UACA: variants seen among roughly 807,000 people sequenced by gnomAD.
The protein encoded by UACA is nuclear membrane binding protein.
Under a neutral mutation model 160.5 loss-of-function variants are expected in UACA, and 112 were observed. That is an observed-to-expected ratio of 0.70 (90% confidence interval 0.60 to 0.82). The LOEUF is 0.82. UACA is among the 40% of genes least tolerant of loss of function. UACA has a pLI of 0.00. For synonymous variants in UACA, 557 were observed against 568.4 expected, an observed-to-expected ratio of 0.98 and a Z score of 0.29; for missense variants, 1,574 against 1,614.6, an observed-to-expected ratio of 0.97 and a Z score of 0.43.
intron 1 of UACA, among the ~76,000 whole-genome samples, chr15:70,722,310 T>A (rs1224357370): frequency 6.6e-6 from 1 of 151,124 alleles, no homozygotes; most frequent in East Asian, 1.9e-4. Flanking sequence ...AAAGACAATC[T>A]AGCAAAATCA....
intron 17 of UACA, 133 bp downstream of exon 17, chr15:70,664,529 C>A (rs993729801): frequency 3.1e-5 from 35 of 1,128,572 alleles, no homozygotes; most frequent in Non-Finnish European, 4.1e-5. Flanking sequence ...GGTAACTTTT[C>A]GCATATAAAA....
chr15:70,701,661 C>T (rs1898367564), intron 1 of UACA, among the ~76,000 whole-genome samples: 1 of 152,192 alleles, frequency 6.6e-6, no homozygotes, highest in Non-Finnish European at 1.5e-5. Flanking sequence ...AACAGTAACA[C>T]TGTACAATTA....
rs765706515 is a variant in UACA at position 70,687,578 on chromosome 15, A to G, written c.564T>C (p.Asp188=). ...SRPTICQLLI[D]RGADVNSRDK... is the part of the protein sequence containing the mutation. The stretch of plus-strand genomic sequence containing the variant: ...CTCTGGAATTAACATCCGCTCCTCT[A>G]TCTATCAGCAGTTGACATATTGTTG... The change falls in exon 7 of 19, where the codon GAT becomes GAC. Residue 188 remains aspartate, a synonymous_variant. Transcript: ENST00000322954. The G allele has an allele frequency of 4.3e-6, 7 of 1,613,794 alleles. No individual in the cohort carries two copies. Among genetic ancestry groups the G allele is most frequent in the Middle Eastern group, 1.6e-4 (1 of 6,082 alleles).
At chr15:70,726,311 G>C (rs1232971563) in intron 1 of UACA, among the ~76,000 whole-genome samples, 1 of 151,968 alleles carries the variant, frequency 6.6e-6, no homozygotes, top group Non-Finnish European at 1.5e-5. Flanking sequence ...TGGCAACAAA[G>C]GATTGGCTCT....
intron 10 of UACA, among the ~76,000 whole-genome samples, chr15:70,679,402 C>CTAAATAAATAAA (rs57970349): frequency 0.25 from 32,974 of 133,692 alleles, 4,449 homozygotes; most frequent in Middle Eastern, 0.29. Context: ...GACCCCATCT[C>CTAAATAAATAAA]TAAATAAATA....
rs972254101 is a variant in UACA, at chr15:70,655,766, A to G, written c.*1290T>C. 5 of 151,850 alleles carry G rather than the reference A, an allele frequency of 3.3e-5. No individual in the cohort carries two copies. The highest frequency in any genetic ancestry group is 1.2e-4 in the African/African-American group (5 of 41,468). 9.4% of individuals were successfully genotyped at this position (151,850 alleles called of 1,614,324 possible). On this transcript the variant is annotated 3_prime_UTR_variant, in exon 19 of 19. Coordinates refer to ENST00000322954, the MANE Select transcript of UACA (RefSeq NM_018003.4). ...GTCATTTTGATGGTATTTTTACCCTATTAAACAAAAATGGGATTTAAAAAT... is the reference window on the plus strand; with the variant it reads ...GTCATTTTGATGGTATTTTTACCCTGTTAAACAAAAATGGGATTTAAAAAT...
At chr15:70,739,829 C>T (rs916362908) in intron 1 of UACA, among the ~76,000 whole-genome samples, 3 of 152,164 alleles carry the variant, frequency 2.0e-5, no homozygotes, top group African/African-American at 7.2e-5. Flanking sequence ...TTCTCTCCAA[C>T]TGCCAAATAT....
At position 70,655,111 on chromosome 15, in the gene UACA, G is replaced by A. The variant is rs1024554904; in HGVS notation, c.*1945C>T. On this transcript the variant is annotated 3_prime_UTR_variant, in exon 19 of 19. Transcript: ENST00000322954. ...CAAGGATGTTCAAAACAATATTCTA[G>A]AGAAAACTTTATTGATGGTTGAAAA... 5 of 152,120 alleles carry A rather than the reference G, an allele frequency of 3.3e-5. No individual in the cohort carries two copies. The highest frequency in any genetic ancestry group is 7.2e-5 in the African/African-American group (3 of 41,432). The allele number at this position is 152,120 out of a possible 1,614,324, so 9.4% of individuals were successfully genotyped here.
intron 1 of UACA, among the ~76,000 whole-genome samples, chr15:70,746,063 T>C (rs1013955712): frequency 2.0e-5 from 3 of 152,090 alleles, no homozygotes; most frequent in African/African-American, 7.2e-5. Flanking sequence ...CCATTCAAGA[T>C]ATAGGCATGG....
intron 14 of UACA, 54 bp downstream of exon 14, chr15:70,671,911 C>T: frequency 7.0e-7 from 1 of 1,436,724 alleles, no homozygotes; most frequent in South Asian, 1.3e-5. Flanking sequence ...AATAAACATT[C>T]TTCTTTACTT....
chr15:70,695,113 A>G lies in UACA; in HGVS notation c.213-8T>C. 2.5e-6 allele frequency: 4 copies of G among 1,573,210 alleles called. No homozygotes were observed. Among genetic ancestry groups the G allele is most frequent in the Non-Finnish European group, 3.4e-6 (4 of 1,160,152 alleles). The stretch of plus-strand genomic sequence containing the variant: ...GAGGTCACAACATGGAAGCTAAACA[A>G]AAAAAAAATATTTGTTGTGCTAAGG... On this transcript the variant is annotated splice_region_variant and splice_polypyrimidine_tract_variant and intron_variant, in intron 2 of 18. Coordinates refer to ENST00000322954, the MANE Select transcript of UACA (RefSeq NM_018003.4).
In UACA at chr15:70,669,108, GTTCT is replaced by G. The variant is rs1897046822; in HGVS notation, c.1572_1575del (p.Lys524AsnfsTer3). 1 of 1,613,902 alleles carries G rather than the reference GTTCT, an allele frequency of 6.2e-7. No homozygotes were observed. The highest frequency in any genetic ancestry group is 8.5e-7 in the Non-Finnish European group (1 of 1,179,986). On this transcript the variant is annotated frameshift_variant, in exon 16 of 19. Transcript: ENST00000322954. LOFTEE classifies it high-confidence loss of function. ...CCTGAGGCTGCTTCACTTGTTAAGT[GTTCT>G]TTAAGGGCAAGAAAATGGGTCTGCA...
At chr15:70,725,954 G>A (rs11637242) in intron 1 of UACA, among the ~76,000 whole-genome samples, 130,562 of 152,086 alleles carry the variant, frequency 0.86, 56,324 homozygotes, top group Admixed American at 0.91. Context: ...CATGAATGTA[G>A]CAAAATTTCA....
chr15:70,689,440 G>C (rs1897846919), intron 5 of UACA, among the ~76,000 whole-genome samples: 1 of 151,998 alleles, frequency 6.6e-6, no homozygotes, highest in African/African-American at 2.4e-5. Context: ...TCATTGTGAG[G>C]CTCAAATGAT....
chr15:70,658,182 TG>T (rs1424821832), intron 18 of UACA, among the ~76,000 whole-genome samples: 4 of 152,368 alleles, frequency 2.6e-5, no homozygotes, highest in East Asian at 3.9e-4. Flanking sequence ...TTTTGTAACT[TG>T]TTTTTTTATG....
chr15:70,771,552 T>C, the UACA span, among the ~76,000 whole-genome samples: 1 of 152,106 alleles, frequency 6.6e-6, no homozygotes, highest in Admixed American at 6.6e-5. Flanking sequence ...AGATGATGTG[T>C]GAGATGATAC....
intron 16 of UACA, among the ~76,000 whole-genome samples, chr15:70,666,344 G>T (rs375953622): frequency 1.2e-3 from 187 of 152,176 alleles, no homozygotes; most frequent in African/African-American, 4.4e-3. Context: ...GGTGAGTACC[G>T]AGATCAACTC....
At chr15:70,743,145 C>A (rs2141003946) in intron 1 of UACA, among the ~76,000 whole-genome samples, 1 of 152,344 alleles carries the variant, frequency 6.6e-6, no homozygotes, top group Non-Finnish European at 1.5e-5. Flanking sequence ...TTTCTTCTCA[C>A]ATGGCCCCGT....
rs755896148 is a variant in UACA, at chr15:70,669,030, T to C, written c.1654A>G (p.Lys552Glu). 3 of 1,614,050 alleles carry C rather than the reference T, an allele frequency of 1.9e-6. No individual in the cohort carries two copies. The South Asian group carries it at 3.3e-5, about 18-fold the overall frequency. Residue 552 changes from lysine to glutamate, a missense_variant, in exon 16 of 19, where the codon AAA becomes GAA. By Grantham distance (56) the Lys-to-Glu change is moderately conservative. Coordinates refer to ENST00000322954, the MANE Select transcript of UACA (RefSeq NM_018003.4). ...ACTTCTGCTGAAGCACCTTCATATTTTACTTTCAAGTCTTTCAACTGATCC... is the reference window on the plus strand; with the variant it reads ...ACTTCTGCTGAAGCACCTTCATATTCTACTTTCAAGTCTTTCAACTGATCC... ...LKDQLKDLKVKYEGASAEVGK... is the reference protein window; with the variant it reads ...LKDQLKDLKVEYEGASAEVGK...
Sources: allele counts gnomAD v4.1 joint callset (sites outside exome capture counted in the v4.1 genomes callset), GRCh38; gene constraint gnomAD v4.1.1; transcripts MANE v1.5; gene names NCBI Gene and HGNC (gene_info 2026-07-23, HGNC 2026-07-21).